The following NEMP2 variants were observed in gnomAD, a reference collection of about 807,000 sequenced individuals.
The protein encoded by NEMP2 is nuclear envelope integral membrane protein 2.
Under a neutral mutation model 54.2 loss-of-function variants are expected in NEMP2, and 53 were observed. That is an observed-to-expected ratio of 0.98 (90% CI 0.78 to 1.23). The LOEUF is 1.23. Ranked by LOEUF, NEMP2 falls within the 50% of genes most tolerant of loss-of-function variation. NEMP2 has a pLI of 0.00. For missense variants in NEMP2, 455 were observed against 511.3 expected, an observed-to-expected ratio of 0.89 and a Z score of 1.06; for synonymous variants, 197 against 190.3, an observed-to-expected ratio of 1.04 and a Z score of -0.29.
chr2:190,633,401 C>T, the NEMP2 span, among the ~76,000 whole-genome samples: 2 of 150,574 alleles, frequency 1.3e-5, no homozygotes, highest in African/African-American at 2.5e-5. Context: ...GCAGCCTCTG[C>T]GTCTCGGGTT....
the NEMP2 span, among the ~76,000 whole-genome samples, chr2:190,434,316 T>TAATCATTC: frequency 6.6e-6 from 1 of 152,202 alleles, no homozygotes; most frequent in South Asian, 2.1e-4. This position sits in a 1 kb window ranked among gnomAD's most constrained non-coding sequence, Gnocchi z 4.3. Context: ...TTTGACACTT[T>TAATCATTC]AATCATTCAA....
chr2:190,491,091 T>C, the NEMP2 span, among the ~76,000 whole-genome samples: 1 of 152,232 alleles, frequency 6.6e-6, no homozygotes, highest in East Asian at 1.9e-4. This position sits in a 1 kb window ranked among gnomAD's most constrained non-coding sequence, Gnocchi z 4.2. Flanking sequence ...TGAATATCTT[T>C]GCTATTAATC....
chr2:190,474,282 T>C, the NEMP2 span, among the ~76,000 whole-genome samples: 4 of 151,972 alleles, frequency 2.6e-5, no homozygotes, highest in African/African-American at 9.7e-5. Context: ...CAGGAGCTGG[T>C]TTTTTGAAAA....
chr2:190,457,293 G>C, the NEMP2 span, among the ~76,000 whole-genome samples: 1 of 152,162 alleles, frequency 6.6e-6, no homozygotes, highest in Non-Finnish European at 1.5e-5. This position sits in a 1 kb window ranked among gnomAD's most constrained non-coding sequence, Gnocchi z 5.1. Flanking sequence ...TCTGTGAAAA[G>C]AGCGAGCTGG....
chr2:190,423,729 T>G, the NEMP2 span, among the ~76,000 whole-genome samples: 1 of 152,226 alleles, frequency 6.6e-6, no homozygotes, highest in Non-Finnish European at 1.5e-5. The surrounding 1 kb of genome is among the most constrained non-coding windows in gnomAD (Gnocchi z 4.3). Context: ...CTTTCTAGAG[T>G]GGTGTACCAT....
the NEMP2 span, among the ~76,000 whole-genome samples, chr2:190,621,242 TATACACTCTGCAGA>T: frequency 6.6e-6 from 1 of 152,374 alleles, no homozygotes; most frequent in Non-Finnish European, 1.5e-5. Flanking sequence ...TATAGCCTAC[TATACACTCTGCAGA>T]TATATGGCAT....
upstream of NEMP2, chr2:190,534,732 G>T: frequency 9.1e-7 from 1 of 1,095,218 alleles, no homozygotes; most frequent in Non-Finnish European, 1.2e-6. Context: ...TGGCGCGGGG[G>T]CTCAGAGAAG....
chr2:190,488,882 C>T, the NEMP2 span: 10 of 1,389,220 alleles, frequency 7.2e-6, no homozygotes, highest in South Asian at 1.2e-4. This position sits in a 1 kb window ranked among gnomAD's most constrained non-coding sequence, Gnocchi z 6.4. Flanking sequence ...TCCAGCAATA[C>T]CTCAATAAAC....
At chr2:190,596,071 A>T in the NEMP2 span, among the ~76,000 whole-genome samples, 6 of 152,206 alleles carry the variant, frequency 3.9e-5, no homozygotes, top group Non-Finnish European at 8.8e-5. This position sits in a 1 kb window ranked among gnomAD's most constrained non-coding sequence, Gnocchi z 5.1. Flanking sequence ...ATGCAGCCAT[A>T]AAAAAGGATG....
At chr2:190,500,329 A>G (rs978376296), downstream of NEMP2, 10 of 1,049,136 alleles carry the variant, frequency 9.5e-6, no homozygotes, top group Admixed American at 1.4e-4. This position sits in a 1 kb window ranked among gnomAD's most constrained non-coding sequence, Gnocchi z 5.3. Context: ...AGCACTGCAT[A>G]TGCTTCTAAA....
At chr2:190,491,739 C>T in the NEMP2 span, among the ~76,000 whole-genome samples, 1 of 152,252 alleles carries the variant, frequency 6.6e-6, no homozygotes, top group African/African-American at 2.4e-5. This position sits in a 1 kb window ranked among gnomAD's most constrained non-coding sequence, Gnocchi z 4.2. Context: ...AGTAATATGA[C>T]AAAACAAGGT....
chr2:190,455,728 G>A, the NEMP2 span, among the ~76,000 whole-genome samples: 9 of 151,920 alleles, frequency 5.9e-5, no homozygotes, highest in Admixed American at 2.0e-4. Context: ...GGCATCGTGC[G>A]GAGGTCTCAG....
At position 190,529,000 on chromosome 2, in the gene NEMP2, T is replaced by C. The variant is rs772720497; in HGVS notation, c.98-3622A>G. On this transcript the variant is annotated intron_variant, in intron 1 of 8. Coordinates refer to ENST00000409150, the MANE Select transcript of NEMP2 (RefSeq NM_001142645.2). The surrounding 1 kb of genome is among the most constrained non-coding windows in gnomAD (Gnocchi z 4.3). ...CAGAATTGCTGCCCCCCAACTACCA[T>C]GTTTTCCCCTACAACACACTTTTCA... is the stretch of plus-strand genomic sequence containing the variant. Among the ~76,000 whole-genome samples, 5 of 152,176 alleles carry C rather than the reference T, an allele frequency of 3.3e-5. No homozygotes were observed. Among genetic ancestry groups the C allele is most frequent in the Non-Finnish European group, 5.9e-5 (4 of 68,028 alleles).
At chr2:190,643,491 C>T in the NEMP2 span, among the ~76,000 whole-genome samples, 1 of 152,174 alleles carries the variant, frequency 6.6e-6, no homozygotes, top group Non-Finnish European at 1.5e-5. Flanking sequence ...CCTGGCTCTC[C>T]CATGTTACCT....
chr2:190,638,429 T>C, the NEMP2 span, among the ~76,000 whole-genome samples: 1 of 152,070 alleles, frequency 6.6e-6, no homozygotes, highest in East Asian at 1.9e-4. This position sits in a 1 kb window ranked among gnomAD's most constrained non-coding sequence, Gnocchi z 5.7. Flanking sequence ...GTGTAACTGC[T>C]TGGTGCTCAG....
the NEMP2 span, among the ~76,000 whole-genome samples, chr2:190,476,127 A>G: frequency 2.6e-5 from 4 of 152,162 alleles, no homozygotes; most frequent in Non-Finnish European, 5.9e-5. Flanking sequence ...AAACCTAGGC[A>G]ATACCATTCA....
the NEMP2 span, among the ~76,000 whole-genome samples, chr2:190,470,918 C>G: frequency 6.7e-6 from 1 of 149,098 alleles, no homozygotes; most frequent in African/African-American, 2.5e-5. Flanking sequence ...TATATATATA[C>G]TTTAAGATGC....
chr2:190,472,432 T>C, the NEMP2 span, among the ~76,000 whole-genome samples: 1 of 152,028 alleles, frequency 6.6e-6, no homozygotes, highest in Admixed American at 6.5e-5. Flanking sequence ...GAGAAATAGG[T>C]GACAAATGCA....
the NEMP2 span, among the ~76,000 whole-genome samples, chr2:190,558,660 G>A: frequency 1.1e-4 from 17 of 152,212 alleles, no homozygotes; most frequent in Non-Finnish European, 2.4e-4. The surrounding 1 kb of genome is among the most constrained non-coding windows in gnomAD (Gnocchi z 4.4). Context: ...GCCAAGAGAA[G>A]GAGTGAAGAG....
Sources: allele counts gnomAD v4.1 joint callset (sites outside exome capture counted in the v4.1 genomes callset), GRCh38; gene constraint gnomAD v4.1.1; non-coding constraint Gnocchi (gnomAD v3.1); transcripts MANE v1.5; gene names NCBI Gene and HGNC (gene_info 2026-07-23, HGNC 2026-07-21).